The following ZNF566 variants were observed in gnomAD, a reference collection of about 807,000 sequenced individuals.
The protein encoded by ZNF566 is zinc finger protein 566.
ZNF566 carries 27 observed loss-of-function variants against 32.8 expected under a neutral mutation model. The ratio of observed to expected loss-of-function variants is 0.82; its 90% confidence interval spans 0.61 to 1.14. ZNF566 has a LOEUF of 1.14. Ranked by LOEUF, ZNF566 falls within the 50% of genes most tolerant of loss-of-function variation. The pLI is 0.00. For missense variants in ZNF566, 402 were observed against 490.4 expected (o/e 0.82, Z 1.70); for synonymous variants, 154 against 159.5 (o/e 0.97, Z 0.26).
At chr19:36,473,866 G>T (rs771276775) in intron 2 of ZNF566, among the ~76,000 whole-genome samples, 2 of 152,108 alleles carry the variant, frequency 1.3e-5, no homozygotes, top group Non-Finnish European at 2.9e-5. Flanking sequence ...AAGGGATAAA[G>T]ACATTAAAAG....
At chr19:36,486,080 G>T (rs2945962) in intron 1 of ZNF566, among the ~76,000 whole-genome samples, 10 of 151,782 alleles carry the variant, frequency 6.6e-5, no homozygotes, top group African/African-American at 2.4e-4. Flanking sequence ...AAAGAGAAAA[G>T]AAAAGAAAAA....
chr19:36,483,565 C>G (rs929831019), intron 1 of ZNF566, among the ~76,000 whole-genome samples: 2 of 151,866 alleles, frequency 1.3e-5, no homozygotes, highest in African/African-American at 4.8e-5. Flanking sequence ...ACTTAAGGAG[C>G]TTCTGATGGC....
At chr19:36,455,964 G>A (rs1012967526) in intron 4 of ZNF566, among the ~76,000 whole-genome samples, 53 of 148,768 alleles carry the variant, frequency 3.6e-4, no homozygotes, top group African/African-American at 8.5e-4. Flanking sequence ...GCGTGAACCC[G>A]GGAGGCCGAG....
intron 4 of ZNF566, among the ~76,000 whole-genome samples, chr19:36,455,386 T>G (rs2033273570): frequency 6.6e-6 from 1 of 152,064 alleles, no homozygotes; most frequent in East Asian, 1.9e-4. Flanking sequence ...TAAAAAGGAA[T>G]AAAAGGCATC....
intron 1 of ZNF566, among the ~76,000 whole-genome samples, chr19:36,487,288 A>G (rs1339990434): frequency 6.6e-6 from 1 of 152,112 alleles, no homozygotes; most frequent in Non-Finnish European, 1.5e-5. Flanking sequence ...GCTTCGTAGT[A>G]TCTATTAAAC....
rs767767486 is a variant in ZNF566, at chr19:36,471,106, C to T, written c.232+1805G>A. Among the ~76,000 whole-genome samples the T allele has an allele frequency of 6.4e-4, 96 of 150,324 alleles. 1 individual carries two copies. Among genetic ancestry groups the T allele is most frequent in the Non-Finnish European group, 8.9e-5 (6 of 67,786 alleles). ...GCACGCACCTGTAATCCCAACTACT[C>T]GGGAGGCTGAGGCAGGAGAATCGCT... On this transcript the variant is annotated intron_variant, in intron 4 of 4. Transcript: ENST00000452939.
chr19:36,453,160 T>A lies in ZNF566; in HGVS notation c.233-3159A>T, dbSNP rs527385090. ...ACAAAAAAACAAACAAAAAAAAAGT[T>A]AAAAGACAAAGGTACTAAAAATAAA... is the stretch of plus-strand genomic sequence containing the variant. On this transcript the variant is annotated intron_variant, in intron 4 of 4. Transcript: ENST00000452939. Among the ~76,000 whole-genome samples the A allele has an allele frequency of 7.4e-5, 11 of 148,710 alleles. No homozygotes were observed. In the South Asian group the frequency reaches 1.9e-3, roughly 26 times the overall value.
chr19:36,473,885 G>C (rs2033824182), intron 2 of ZNF566, among the ~76,000 whole-genome samples: 1 of 152,176 alleles, frequency 6.6e-6, no homozygotes, highest in Admixed American at 6.6e-5. Flanking sequence ...AGCCACCAGA[G>C]AGAAGAGCAG....
chr19:36,463,537 C>CTTTTTTTTTTTTTTTTTT (rs56787323), intron 4 of ZNF566, among the ~76,000 whole-genome samples: 1 of 106,290 alleles, frequency 9.4e-6, no homozygotes, highest in Non-Finnish European at 1.9e-5. Flanking sequence ...AATGTAATTT[C>CTTTTTTTTTTTTTTTTTT]TTTTTTTTTT....
chr19:36,455,789 CCAGCA>C (rs2033290221), intron 4 of ZNF566, among the ~76,000 whole-genome samples: 1 of 149,132 alleles, frequency 6.7e-6, no homozygotes, highest in East Asian at 2.0e-4. Context: ...GCCTGTAATC[CCAGCA>C]CTTTGGGAGG....
chr19:36,487,410 G>T (rs992671902), intron 1 of ZNF566, among the ~76,000 whole-genome samples: 2 of 152,116 alleles, frequency 1.3e-5, no homozygotes, highest in Non-Finnish European at 2.9e-5. Flanking sequence ...AGCATCATTT[G>T]TAACAGCCCC....
chr19:36,459,063 G>C (rs557632953), intron 4 of ZNF566, among the ~76,000 whole-genome samples: 1 of 151,972 alleles, frequency 6.6e-6, no homozygotes, highest in African/African-American at 2.4e-5. Context: ...AATAAAGCTA[G>C]GGAAAAAGCT....
At chr19:36,452,848 G>A (rs1002388071) in intron 4 of ZNF566, among the ~76,000 whole-genome samples, 9 of 152,058 alleles carry the variant, frequency 5.9e-5, no homozygotes, top group African/African-American at 1.2e-4. Flanking sequence ...GGCTGGGCAC[G>A]GTGGCTCACA....
At chr19:36,489,045 C>T (rs1316181378) in intron 1 of ZNF566, among the ~76,000 whole-genome samples, 1 of 152,136 alleles carries the variant, frequency 6.6e-6, no homozygotes. Flanking sequence ...TCGGCGCACA[C>T]CTGTACCGGG....
rs2033031255 is a variant in ZNF566, at chr19:36,447,712, T to C, written c.*1265A>G. 6.6e-6 allele frequency: 1 copy of C among 152,142 alleles called. No homozygotes were observed. Among genetic ancestry groups the C allele is most frequent in the Admixed American group, 6.6e-5 (1 of 15,258 alleles). 9.4% of individuals were successfully genotyped at this position (152,142 alleles called of 1,614,324 possible). A position where few individuals can be genotyped will look rare whatever the true frequency, so the allele number is the denominator to read the frequency against. On this transcript the variant is annotated 3_prime_UTR_variant, in exon 5 of 5. Coordinates refer to ENST00000452939, the MANE Select transcript of ZNF566 (RefSeq NM_001145344.1). ...GTATATAATGCGACAAAAAGAGTAT[T>C]AGTCGGAATAAAGTCCTTCACACAC...
rs1001467246 is a variant in ZNF566, at chr19:36,447,645, T to G, written c.*1332A>C. The G allele has an allele frequency of 1.3e-5, 2 of 152,192 alleles. No individual in the cohort carries two copies. Among genetic ancestry groups the G allele is most frequent in the African/African-American group, 4.8e-5 (2 of 41,452 alleles). 9.4% of individuals were successfully genotyped at this position (152,192 alleles called of 1,614,324 possible). A position where few individuals can be genotyped will look rare whatever the true frequency, so the allele number is the denominator to read the frequency against. On this transcript the variant is annotated 3_prime_UTR_variant, in exon 5 of 5. Transcript: ENST00000452939. ...TTTTCATACTTTTTTTCCTCATTAG[T>G]GCACCAATATTTTGCTTATGTTCTC...
intron 2 of ZNF566, among the ~76,000 whole-genome samples, chr19:36,474,420 C>T (rs1190125132): frequency 6.6e-6 from 1 of 152,152 alleles, no homozygotes; most frequent in Non-Finnish European, 1.5e-5. Flanking sequence ...AGAACAAAGC[C>T]ATGAGCTCGC....
At position 36,481,490 on chromosome 19, in the gene ZNF566, AAAAAAG is replaced by A. The variant is rs1411589408; in HGVS notation, c.-59-4880_-59-4875del. ...TGTCTCGGGAAAAAAAAAAAAAAAA[AAAAAAG>A]AAAAGAACACTGAGGTACTATTTCT... On this transcript the variant is annotated intron_variant, in intron 1 of 4. Coordinates refer to ENST00000452939, the MANE Select transcript of ZNF566 (RefSeq NM_001145344.1). 1.1e-3 allele frequency among the ~76,000 whole-genome samples: 166 copies of A among 148,332 alleles called. 1 individual carries two copies. Among genetic ancestry groups the A allele is most frequent in the Non-Finnish European group, 2.1e-3 (144 of 67,152 alleles).
chr19:36,481,473 GAAA>G lies in ZNF566; in HGVS notation c.-59-4860_-59-4858del, dbSNP rs79028574. Among the ~76,000 whole-genome samples, 380 of 110,832 alleles carry G rather than the reference GAAA, an allele frequency of 3.4e-3. 4 individuals are homozygous for G. Among genetic ancestry groups the G allele is most frequent in the Non-Finnish European group, 4.0e-3 (226 of 56,692 alleles). 72.7% of individuals were successfully genotyped at this position (110,832 alleles called of 152,430 possible). A position where few individuals can be genotyped will look rare whatever the true frequency, so the allele number is the denominator to read the frequency against. On this transcript the variant is annotated intron_variant, in intron 1 of 4. Transcript: ENST00000452939. ...GCAACAGAGCAAGACACTGTCTCGG[GAAA>G]AAAAAAAAAAAAAAAAAAAGAAAAG... is the stretch of plus-strand genomic sequence containing the variant.
Sources: allele counts gnomAD v4.1 joint callset (sites outside exome capture counted in the v4.1 genomes callset), GRCh38; gene constraint gnomAD v4.1.1; transcripts MANE v1.5; gene names NCBI Gene and HGNC (gene_info 2026-07-23, HGNC 2026-07-21).